Variants in DESI2 observed in about 807,000 individuals in gnomAD.
The protein encoded by DESI2 is deubiquitinase DESI2.
A neutral mutation model predicts 24.1 loss-of-function variants in DESI2; 10 were observed. The ratio of observed to expected loss-of-function variants is 0.41; its 90% CI spans 0.26 to 0.70. The LOEUF (loss-of-function observed/expected upper bound fraction) is 0.70, where lower values mean the gene tolerates loss of function less well. Ranked by LOEUF, DESI2 falls within the 30% of genes least tolerant of loss-of-function variation. The pLI, the probability that DESI2 is intolerant of heterozygous loss-of-function variation, is 0.29. For synonymous variants in DESI2, 71 were observed against 87.7 expected (o/e 0.81, Z 1.06); for missense variants, 122 against 234.9 (o/e 0.52, Z 3.14).
intron 1 of DESI2, among the ~76,000 whole-genome samples, chr1:244,674,583 C>T (rs544798930): frequency 6.6e-6 from 1 of 152,274 alleles, no homozygotes; most frequent in South Asian, 2.1e-4. Context: ...CTATTCTGGG[C>T]ATTTCATATA....
At chr1:244,702,045 ATT>A (rs1677485352) in intron 4 of DESI2, among the ~76,000 whole-genome samples, 1 of 152,232 alleles carries the variant, frequency 6.6e-6, no homozygotes, top group Non-Finnish European at 1.5e-5. Context: ...ACCAAATACT[ATT>A]TGATCACTAG....
chr1:244,682,585 T>C (rs1676656917), intron 1 of DESI2, among the ~76,000 whole-genome samples: 1 of 152,176 alleles, frequency 6.6e-6, no homozygotes, highest in South Asian at 2.1e-4. Flanking sequence ...TGTAAAAAAA[T>C]AGATATTTGC....
intron 4 of DESI2, among the ~76,000 whole-genome samples, chr1:244,692,816 G>A (rs1677077626): frequency 6.6e-6 from 1 of 152,178 alleles, no homozygotes. Context: ...TGGACCAGCA[G>A]CATCAGCATC....
At chr1:244,682,907 C>T (rs1282205244) in intron 1 of DESI2, among the ~76,000 whole-genome samples, 1 of 151,646 alleles carries the variant, frequency 6.6e-6, no homozygotes, top group Non-Finnish European at 1.5e-5. Context: ...AAGGCAAACT[C>T]TTTTCAAGAC....
At chr1:244,669,547 A>C (rs563604088) in intron 1 of DESI2, among the ~76,000 whole-genome samples, 22 of 152,098 alleles carry the variant, frequency 1.4e-4, no homozygotes, top group African/African-American at 5.3e-4. Flanking sequence ...GCGTGGTGGC[A>C]TATGCCTGTA....
At chr1:244,671,588 G>A (rs893928117) in intron 1 of DESI2, among the ~76,000 whole-genome samples, 11 of 152,086 alleles carry the variant, frequency 7.2e-5, no homozygotes, top group African/African-American at 2.4e-4. Context: ...TAAAAATGTC[G>A]TGGATTATCC....
At chr1:244,674,809 C>T (rs1170253352) in intron 1 of DESI2, among the ~76,000 whole-genome samples, 1 of 152,164 alleles carries the variant, frequency 6.6e-6, no homozygotes, top group Non-Finnish European at 1.5e-5. Flanking sequence ...ACAAGTAATG[C>T]TGCCGTGAAC....
intron 1 of DESI2, among the ~76,000 whole-genome samples, chr1:244,661,300 TAG>T (rs1478619551): frequency 3.9e-5 from 6 of 152,222 alleles, no homozygotes; most frequent in African/African-American, 1.4e-4. Flanking sequence ...TCACTTAGCA[TAG>T]TCCTCAGGGT....
chr1:244,694,444 A>T, intron 4 of DESI2: 1 of 764,098 alleles, frequency 1.3e-6, no homozygotes, highest in African/African-American at 1.7e-5. Context: ...GATGAACTGG[A>T]TGCTGCAGCA....
intron 1 of DESI2, among the ~76,000 whole-genome samples, chr1:244,660,663 C>A (rs530865629): frequency 1.3e-5 from 2 of 152,236 alleles, no homozygotes; most frequent in East Asian, 3.9e-4. Flanking sequence ...CAATGGGATG[C>A]ATGAAAATAA....
intron 1 of DESI2, among the ~76,000 whole-genome samples, chr1:244,656,089 A>T (rs1675639257): frequency 6.6e-6 from 1 of 152,264 alleles, no homozygotes. Flanking sequence ...AATTCTTCCT[A>T]TTCATCAGAG....
chr1:244,678,594 A>G lies in DESI2; in HGVS notation c.43-8003A>G, dbSNP rs1036625810. On this transcript the variant is annotated intron_variant, in intron 1 of 4. Transcript: ENST00000302550. ...TGGGTTCCTGTTATGGAAATTTACA[A>G]TAAATCACTTTCAGAAGGCTATTTA... Among the ~76,000 whole-genome samples, 21 of 152,332 alleles carry G rather than the reference A, an allele frequency of 1.4e-4. 1 individual carries two copies. The highest frequency in any genetic ancestry group is 6.2e-4 in the South Asian group (3 of 4,830).
intron 4 of DESI2, among the ~76,000 whole-genome samples, chr1:244,702,493 A>T (rs1404561838): frequency 6.6e-6 from 1 of 152,182 alleles, no homozygotes; most frequent in Non-Finnish European, 1.5e-5. Context: ...CAGCCTCAGT[A>T]ACAGACCAAG....
In DESI2 at chr1:244,708,572, C is replaced by T. The variant is rs531860579; in HGVS notation, c.*2783C>T. The T allele has an allele frequency of 4.9e-4, 75 of 152,792 alleles. No homozygotes were observed. Among genetic ancestry groups the T allele is most frequent in the African/African-American group, 1.8e-3 (73 of 41,570 alleles). The allele number at this position is 152,792 out of a possible 1,614,324, so 9.5% of individuals were successfully genotyped here. Reference sequence around the variant, plus strand: ...CAGCTGCAGGACTCGATATCCATGGCTTCTTTCCATCACAAAACGGGTAGA... The same window carrying T: ...CAGCTGCAGGACTCGATATCCATGGTTTCTTTCCATCACAAAACGGGTAGA... On this transcript the variant is annotated 3_prime_UTR_variant, in exon 5 of 5. Transcript: ENST00000302550.
chr1:244,672,747 T>A (rs1358564151), intron 1 of DESI2, among the ~76,000 whole-genome samples: 1 of 151,956 alleles, frequency 6.6e-6, no homozygotes, highest in Admixed American at 6.6e-5. Context: ...CATGGTGGCA[T>A]ATGCCTGTAA....
rs891973970 is a variant in DESI2 at position 244,707,108 on chromosome 1, G to A, written c.*1319G>A. The stretch of plus-strand genomic sequence containing the variant: ...GAATGAATGTCCTTCATAAAATATT[G>A]GATGCAGTGTAACACTATCCAAGGC... On this transcript the variant is annotated 3_prime_UTR_variant, in exon 5 of 5. Transcript: ENST00000302550. 2 of 152,494 alleles carry A rather than the reference G, an allele frequency of 1.3e-5. No individual in the cohort carries two copies. The highest frequency in any genetic ancestry group is 2.9e-5 in the Non-Finnish European group (2 of 68,000). The allele number at this position is 152,494 out of a possible 1,614,324, so 9.4% of individuals were successfully genotyped here.
At chr1:244,701,365 A>G (rs1223645786) in intron 4 of DESI2, among the ~76,000 whole-genome samples, 1 of 152,142 alleles carries the variant, frequency 6.6e-6, no homozygotes, top group African/African-American at 2.4e-5. Flanking sequence ...AATGGAGTCA[A>G]TCCCATGACA....
chr1:244,688,775 GT>G (rs1317602952), intron 2 of DESI2, among the ~76,000 whole-genome samples: 1 of 152,126 alleles, frequency 6.6e-6, no homozygotes, highest in African/African-American at 2.4e-5. Context: ...AGTGTTTTAG[GT>G]TTGGTAATGT....
intron 1 of DESI2, among the ~76,000 whole-genome samples, chr1:244,676,313 G>A (rs140945121): frequency 0.025 from 3,750 of 152,008 alleles, 56 homozygotes; most frequent in Non-Finnish European, 0.035. Context: ...CCTGACCTCC[G>A]TGATCCGCCC....
Sources: allele counts gnomAD v4.1 joint callset (sites outside exome capture counted in the v4.1 genomes callset), GRCh38; gene constraint gnomAD v4.1.1; transcripts MANE v1.5; gene names NCBI Gene and HGNC (gene_info 2026-07-23, HGNC 2026-07-21).